The following LRP1B variants were observed in gnomAD, a reference collection of about 807,000 sequenced individuals.
LRP1B encodes the protein low-density lipoprotein receptor-related protein 1B.
LRP1B carries 217 observed loss-of-function variants against 556.6 expected under a neutral mutation model. The observed-to-expected ratio is 0.39, with a 90% CI of 0.35 to 0.44. The LOEUF (loss-of-function observed/expected upper bound fraction) is 0.44, where lower values mean the gene tolerates loss of function less well. LRP1B is among the 20% of genes least tolerant of loss of function. The pLI is 1.00. For synonymous variants in LRP1B, 2,047 were observed against 1,865.8 expected, an observed-to-expected ratio of 1.10 and a Z score of -2.50; for missense variants, 5,053 against 5,620.8, an observed-to-expected ratio of 0.90 and a Z score of 3.23.
intron 32 of LRP1B, among the ~76,000 whole-genome samples, chr2:140,810,935 C>T (rs1690897421): frequency 6.6e-6 from 1 of 152,156 alleles, no homozygotes; most frequent in South Asian, 2.1e-4. Flanking sequence ...CAGGGTTTCA[C>T]TATGTTGACC....
At chr2:141,934,640 T>A (rs1255541588) in intron 1 of LRP1B, among the ~76,000 whole-genome samples, 1 of 152,112 alleles carries the variant, frequency 6.6e-6, no homozygotes, top group Non-Finnish European at 1.5e-5. Flanking sequence ...CAGGTGGAGA[T>A]AATTATGGGG....
chr2:140,877,491 C>A (rs185774233), intron 25 of LRP1B, among the ~76,000 whole-genome samples: 1 of 151,996 alleles, frequency 6.6e-6, no homozygotes, highest in Non-Finnish European at 1.5e-5. Context: ...AAAGAAAAGG[C>A]GGGAAATGTG....
intron 4 of LRP1B, among the ~76,000 whole-genome samples, chr2:141,252,753 A>T (rs770615918): frequency 1.3e-5 from 2 of 152,168 alleles, no homozygotes; most frequent in African/African-American, 4.8e-5. Flanking sequence ...GAATAGGCAT[A>T]CCATCACTTG....
chr2:141,560,209 T>C (rs1468036076), intron 2 of LRP1B, among the ~76,000 whole-genome samples: 1 of 151,786 alleles, frequency 6.6e-6, no homozygotes, highest in Non-Finnish European at 1.5e-5. Context: ...CTTTAAGATA[T>C]TTAATGCATC....
At chr2:141,404,709 C>T (rs151132697) in intron 3 of LRP1B, among the ~76,000 whole-genome samples, 62 of 152,224 alleles carry the variant, frequency 4.1e-4, no homozygotes, top group African/African-American at 1.3e-3. Flanking sequence ...CAGTTCCTAT[C>T]GTTATACTGG....
chr2:141,871,670 CTATT>C (rs1698591507), intron 1 of LRP1B, among the ~76,000 whole-genome samples: 1 of 151,842 alleles, frequency 6.6e-6, no homozygotes, highest in Admixed American at 6.6e-5. Flanking sequence ...TTGTATAAGA[CTATT>C]TATAATACAT....
chr2:140,235,948 T>C lies in LRP1B; in HGVS notation c.13561-1064A>G, dbSNP rs144527627. Among the ~76,000 whole-genome samples the C allele has an allele frequency of 4.3e-3, 656 of 151,150 alleles. 5 individuals are homozygous for C. Among genetic ancestry groups the C allele is most frequent in the African/African-American group, 0.015 (608 of 41,438 alleles). On this transcript the variant is annotated intron_variant, in intron 89 of 90. Transcript: ENST00000389484. ...ATTATTTGTCTTTCTCCTTCATAGA[T>C]ATAATAGATTATCAATAGCAATGTG... is the stretch of plus-strand genomic sequence containing the variant.
intron 32 of LRP1B, among the ~76,000 whole-genome samples, chr2:140,805,886 TAC>T: frequency 1.3e-5 from 2 of 152,216 alleles, no homozygotes; most frequent in Admixed American, 6.5e-5. Context: ...GATGCATACA[TAC>T]ACACACACAT....
At chr2:141,285,254 ATTTT>A (rs1302349989) in intron 3 of LRP1B, among the ~76,000 whole-genome samples, 2 of 150,000 alleles carry the variant, frequency 1.3e-5, no homozygotes, top group East Asian at 4.0e-4. Context: ...TGCCCGGCTA[ATTTT>A]TTTTATTTTT....
chr2:140,263,327 C>T (rs565133044), intron 86 of LRP1B, among the ~76,000 whole-genome samples: 1 of 152,090 alleles, frequency 6.6e-6, no homozygotes, highest in South Asian at 2.1e-4. Context: ...CTGTCTCTGA[C>T]CCCTTTAGTA....
intron 7 of LRP1B, among the ~76,000 whole-genome samples, chr2:141,108,334 CTTTTTTTTT>C (rs60275697): frequency 6.8e-5 from 6 of 88,514 alleles, no homozygotes; most frequent in African/African-American, 9.7e-5. Flanking sequence ...TAATCTGTTT[CTTTTTTTTT>C]TTTTTTTTTT....
chr2:140,546,651 C>T (rs1680351130), intron 43 of LRP1B, among the ~76,000 whole-genome samples: 1 of 151,992 alleles, frequency 6.6e-6, no homozygotes, highest in South Asian at 2.1e-4. Flanking sequence ...CCACAGGGTC[C>T]CTCCCGTGAC....
At chr2:141,679,530 T>C (rs1274923256) in intron 2 of LRP1B, among the ~76,000 whole-genome samples, 1 of 152,152 alleles carries the variant, frequency 6.6e-6, no homozygotes, top group East Asian at 1.9e-4. Context: ...TTTAACTTCT[T>C]TGAAAACCAA....
At chr2:141,251,536 A>G (rs1387348905) in intron 4 of LRP1B, among the ~76,000 whole-genome samples, 2 of 152,262 alleles carry the variant, frequency 1.3e-5, no homozygotes, top group Non-Finnish European at 2.9e-5. Context: ...GAGAATATTT[A>G]TTGACTACGG....
intron 18 of LRP1B, among the ~76,000 whole-genome samples, chr2:140,981,891 G>A (rs966802684): frequency 1.2e-4 from 18 of 152,042 alleles, no homozygotes; most frequent in African/African-American, 3.4e-4. Context: ...CCTGTTAGCC[G>A]CGTAATAACC....
chr2:141,969,386 C>A lies in LRP1B; in HGVS notation c.83-158985G>T, dbSNP rs1188504716. 2.0e-5 allele frequency among the ~76,000 whole-genome samples: 3 copies of A among 151,400 alleles called. No homozygotes were observed. The East Asian group carries it at 5.8e-4, about 29-fold the overall frequency. Reference sequence around the variant, plus strand: ...TGTCTGAGGCTTTGTAAGTTTTGAGCAGCATCATCTTTCCATTTCTTTCAC... The same window carrying A: ...TGTCTGAGGCTTTGTAAGTTTTGAGAAGCATCATCTTTCCATTTCTTTCAC... On this transcript the variant is annotated intron_variant, in intron 1 of 90. Transcript: ENST00000389484.
chr2:140,346,285 A>G (rs1417241804), intron 77 of LRP1B, among the ~76,000 whole-genome samples: 2 of 151,444 alleles, frequency 1.3e-5, no homozygotes, highest in Admixed American at 6.6e-5. Flanking sequence ...TATAATAATT[A>G]TCATTGGTAT....
At chr2:142,112,496 G>A (rs6712994) in intron 1 of LRP1B, among the ~76,000 whole-genome samples, 87,203 of 151,814 alleles carry the variant, frequency 0.57, 25,328 homozygotes, top group East Asian at 0.71. Flanking sequence ...TATCAAATTC[G>A]GGAGGGAAAT....
intron 7 of LRP1B, among the ~76,000 whole-genome samples, chr2:141,117,273 T>C (rs958921426): frequency 4.0e-5 from 6 of 151,634 alleles, no homozygotes; most frequent in African/African-American, 1.2e-4. Context: ...AAAAGAATCA[T>C]TTTAAGTGTG....
Sources: gnomAD v4.1 joint callset for allele counts (sites outside exome capture counted in the v4.1 genomes callset) on GRCh38, gnomAD v4.1.1 for gene constraint, MANE v1.5 for transcripts, NCBI Gene and HGNC (gene_info 2026-07-23, HGNC 2026-07-21) for gene names.